Variants in MANBA observed in about 807,000 individuals in gnomAD.
The protein encoded by MANBA is beta-mannosidase.
A neutral mutation model predicts 111.1 loss-of-function variants in MANBA; 83 were observed. The observed-to-expected ratio is 0.75, with a 90% CI of 0.63 to 0.90. MANBA has a LOEUF of 0.90. Ranked by LOEUF, MANBA falls within the 40% of genes least tolerant of loss-of-function variation. MANBA has a pLI of 0.00. For synonymous variants in MANBA, 370 were observed against 378.7 expected (o/e 0.98, Z 0.27); for missense variants, 1,036 against 1,069.0 (o/e 0.97, Z 0.43).
intron 1 of MANBA, chr4:102,728,570 T>C: frequency 2.4e-6 from 1 of 408,638 alleles, no homozygotes. Context: ...AAAAAAGCAA[T>C]TGAATTGTTT....
chr4:102,675,272 CAGTCT>C (rs761480626), intron 7 of MANBA, among the ~76,000 whole-genome samples: 9 of 152,208 alleles, frequency 5.9e-5, no homozygotes, highest in Admixed American at 1.3e-4. Flanking sequence ...TTATCTCTCT[CAGTCT>C]CTGAGTGTCA....
chr4:102,631,861 G>A lies in MANBA; in HGVS notation c.*196C>T, dbSNP rs1005608559. The A allele has an allele frequency of 1.5e-6, 1 of 645,344 alleles. No individual in the cohort carries two copies. The highest frequency in any genetic ancestry group is 1.8e-5 in the African/African-American group (1 of 55,588). 40.0% of individuals were successfully genotyped at this position (645,344 alleles called of 1,614,324 possible). On this transcript the variant is annotated 3_prime_UTR_variant, in exon 17 of 17. Transcript: ENST00000647097. ...AGGACACCCCGGCACAGGCTTGTTTGAGGACATTGCCTGGGTAAACAGCCT... is the reference window on the plus strand; with the variant it reads ...AGGACACCCCGGCACAGGCTTGTTTAAGGACATTGCCTGGGTAAACAGCCT...
intron 11 of MANBA, among the ~76,000 whole-genome samples, chr4:102,664,411 C>T (rs549021876): frequency 5.9e-5 from 9 of 151,626 alleles, no homozygotes; most frequent in African/African-American, 1.5e-4. Context: ...TGCAGTGGCG[C>T]GATCTCGGCT....
chr4:102,636,062 C>A, intron 14 of MANBA, 55 bp from the exon 15 acceptor site: 1 of 1,522,378 alleles, frequency 6.6e-7, no homozygotes, highest in Non-Finnish European at 9.1e-7. Context: ...CAGAGAGGCA[C>A]TGTCCAATGG....
intron 1 of MANBA, among the ~76,000 whole-genome samples, chr4:102,744,394 A>G (rs997689812): frequency 2.0e-5 from 3 of 152,230 alleles, no homozygotes; most frequent in African/African-American, 7.2e-5. Context: ...GTAATGGACC[A>G]GTGTGATACC....
chr4:102,751,430 C>T (rs1025158552), intron 1 of MANBA: 1 of 490,080 alleles, frequency 2.0e-6, no homozygotes, highest in Non-Finnish European at 4.1e-6. Context: ...ATTTCTACAC[C>T]GATAACAAGA....
In MANBA at chr4:102,760,875, A is replaced by C; in HGVS notation, c.20T>G (p.Leu7Arg). 1 of 1,571,372 alleles carries C rather than the reference A, an allele frequency of 6.4e-7. No homozygotes were observed. The change falls in exon 1 of 17, where the codon CTG becomes CGG. Residue 7 changes from leucine (L) to arginine (R), a missense_variant. Coordinates refer to ENST00000647097, the MANE Select transcript of MANBA (RefSeq NM_005908.4). MRLHLLLLLALCGAGTT... is the reference protein window; with the variant it reads MRLHLLRLLALCGAGTT... Reference sequence around the variant, plus strand: ...GCCTGCACCGCACAGCGCGAGCAGCAGGAGCAGGTGGAGGCGCATCTTGAG... The same window carrying C: ...GCCTGCACCGCACAGCGCGAGCAGCCGGAGCAGGTGGAGGCGCATCTTGAG...
At chr4:102,683,027 C>T (rs766578624) in intron 7 of MANBA, 1 of 152,182 alleles carries the variant, frequency 6.6e-6, no homozygotes, top group Non-Finnish European at 1.5e-5. Context: ...AATTCCATAT[C>T]TTTGGCTATG....
intron 5 of MANBA, among the ~76,000 whole-genome samples, chr4:102,697,110 A>G (rs889735807): frequency 6.6e-6 from 1 of 152,210 alleles, no homozygotes; most frequent in Non-Finnish European, 1.5e-5. Flanking sequence ...TAGAACAAGG[A>G]TAAGTTAGTA....
At chr4:102,735,104 C>T (rs556428119) in intron 1 of MANBA, among the ~76,000 whole-genome samples, 2 of 152,302 alleles carry the variant, frequency 1.3e-5, no homozygotes, top group East Asian at 1.9e-4. Context: ...GGCCAAAACG[C>T]CATGGCCATG....
chr4:102,754,499 C>T (rs1365227918), intron 1 of MANBA, among the ~76,000 whole-genome samples: 2 of 151,942 alleles, frequency 1.3e-5, no homozygotes, highest in South Asian at 2.1e-4. Context: ...CTGTTTAATG[C>T]AGGTAAGAGC....
At position 102,690,614 on chromosome 4, in the gene MANBA, T is replaced by C. The variant is rs17033168; in HGVS notation, c.831A>G (p.Leu277=). ...CATTTACCTTGCTAATGTTCACAAA[T>C]AGCTCAACAATCCTTTTCCCAGGTT... is the stretch of plus-strand genomic sequence containing the variant. ...ELQPGKRIVE[L]FVNISKNITV... is the part of the protein sequence containing the mutation. Residue 277 remains leucine, a synonymous_variant, in exon 6 of 17, where the codon CTA becomes CTG. Coordinates refer to ENST00000647097, the MANE Select transcript of MANBA (RefSeq NM_005908.4). 13,616 of 1,611,444 alleles carry C rather than the reference T, an allele frequency of 8.4e-3. 779 individuals are homozygous for C. In the African/African-American group the frequency reaches 0.14, roughly 16 times the overall value.
intron 10 of MANBA, chr4:102,666,104 G>C (rs189609771): frequency 3.9e-5 from 6 of 152,340 alleles, no homozygotes; most frequent in African/African-American, 1.4e-4. Context: ...TATAAATCCT[G>C]AAGTGGCAAA....
Position 102,635,073 on chromosome 4 carries a change from CA to C in MANBA, c.2158-29del, listed in dbSNP as rs1404034872. 3 of 1,612,932 alleles carry C rather than the reference CA, an allele frequency of 1.9e-6. No homozygotes were observed. The Admixed American group carries it at 5.0e-5, about 27-fold the overall frequency. ...GGGGAGAAATAAAACAGAATAAAAA[CA>C]GGCATTCTTGGTTGCTATGTTTTTA... On this transcript the variant is annotated intron_variant, in intron 15 of 16. Transcript: ENST00000647097.
intron 12 of MANBA, among the ~76,000 whole-genome samples, chr4:102,651,384 C>T (rs1319368891): frequency 2.6e-5 from 4 of 151,678 alleles, no homozygotes; most frequent in African/African-American, 7.3e-5. Flanking sequence ...TTTCTTTTGT[C>T]GTCAGCTCAA....
chr4:102,689,409 T>C (rs920550917), intron 7 of MANBA, among the ~76,000 whole-genome samples, 165 bp downstream of exon 7: 2 of 150,270 alleles, frequency 1.3e-5, no homozygotes, highest in Admixed American at 1.3e-4. Context: ...TATGTATATA[T>C]ACACACACAG....
chr4:102,650,898 C>G, intron 12 of MANBA, 197 bp from the exon 13 acceptor site: 1 of 575,370 alleles, frequency 1.7e-6, no homozygotes, highest in Non-Finnish European at 3.1e-6. Flanking sequence ...ACTGGAATCA[C>G]AAAACCAGGG....
At chr4:102,657,031 A>T (rs1247709899) in intron 12 of MANBA, among the ~76,000 whole-genome samples, 1 of 152,154 alleles carries the variant, frequency 6.6e-6, no homozygotes, top group East Asian at 1.9e-4. Flanking sequence ...CTGTGAATAT[A>T]TTGAAGACTA....
intron 7 of MANBA, among the ~76,000 whole-genome samples, chr4:102,677,610 T>G (rs1731783800): frequency 1.3e-5 from 2 of 152,176 alleles, no homozygotes; most frequent in South Asian, 2.1e-4. Flanking sequence ...AAACTATCAT[T>G]GGTTAAAAGA....
Sources: gnomAD v4.1 joint callset for allele counts (sites outside exome capture counted in the v4.1 genomes callset) on GRCh38, gnomAD v4.1.1 for gene constraint, MANE v1.5 for transcripts, NCBI Gene and HGNC (gene_info 2026-07-23, HGNC 2026-07-21) for gene names.